The following ANK3 variants were observed in gnomAD, a reference collection of about 807,000 sequenced individuals.
ANK3 encodes ankyrin-3.
ANK3 carries 57 observed loss-of-function variants against 370.9 expected under a neutral mutation model. The observed-to-expected ratio is 0.15, with a 90% CI of 0.12 to 0.19. The LOEUF (loss-of-function observed/expected upper bound fraction) is 0.19. Ranked by LOEUF, ANK3 falls within the 10% of genes least tolerant of loss-of-function variation. The pLI is 1.00. For synonymous variants in ANK3, 1,929 were observed against 1,946.3 expected, an observed-to-expected ratio of 0.99 and a Z score of 0.23; for missense variants, 4,439 against 5,302.1, an observed-to-expected ratio of 0.84 and a Z score of 5.06.
intron 1 of ANK3, among the ~76,000 whole-genome samples, chr10:60,328,585 C>T (rs2050442608): frequency 6.6e-6 from 1 of 152,240 alleles, no homozygotes; most frequent in Admixed American, 6.5e-5. Flanking sequence ...CAAGACTAAA[C>T]CAGGAAGAAG....
intron 23 of ANK3, among the ~76,000 whole-genome samples, chr10:60,163,197 A>T (rs180860976): frequency 8.3e-4 from 127 of 152,288 alleles, no homozygotes; most frequent in African/African-American, 2.7e-3. Flanking sequence ...AAAACATAAG[A>T]ATCAAACTAG....
At chr10:60,521,365 G>T (rs2076343128) in intron 2 of ANK3, among the ~76,000 whole-genome samples, 1 of 152,054 alleles carries the variant, frequency 6.6e-6, no homozygotes, top group Non-Finnish European at 1.5e-5. Context: ...AAGCTAATGT[G>T]TCTATAGCAA....
At chr10:60,649,343 G>A (rs137875273) in intron 1 of ANK3, among the ~76,000 whole-genome samples, 175 of 152,056 alleles carry the variant, frequency 1.2e-3, no homozygotes, top group Middle Eastern at 6.8e-3. Context: ...TGTCTCTACA[G>A]TTCTTTAATA....
At chr10:60,286,642 T>C (rs942953110) in intron 1 of ANK3, among the ~76,000 whole-genome samples, 1 of 152,220 alleles carries the variant, frequency 6.6e-6, no homozygotes, top group Non-Finnish European at 1.5e-5. Context: ...TATTCAGCTT[T>C]ACTAGTTAAT....
rs1348060279 is a variant in ANK3, at chr10:60,198,424, T to C, written c.1605A>G (p.Pro535=). Residue 535 remains proline, a synonymous_variant, in exon 14 of 44, where the codon CCA becomes CCG. Transcript: ENST00000280772. ...PNAATTSGYT[P]LHLSAREGHE... Reference sequence around the variant, plus strand: ...GCCCCTCTCGGGCGGAAAGGTGAAGTGGGGTGTACCCAGAAGTTGTGGCTG... The same window carrying C: ...GCCCCTCTCGGGCGGAAAGGTGAAGCGGGGTGTACCCAGAAGTTGTGGCTG... 6.2e-7 allele frequency: 1 copy of C among 1,614,208 alleles called. No individual in the cohort carries two copies. The highest frequency in any genetic ancestry group is 1.1e-5 in the South Asian group (1 of 91,084).
intron 23 of ANK3, among the ~76,000 whole-genome samples, chr10:60,164,895 T>C (rs893989174): frequency 5.0e-4 from 76 of 152,146 alleles, no homozygotes; most frequent in African/African-American, 1.8e-3. Context: ...CACATTAAAG[T>C]AAGGGCCAAA....
intron 1 of ANK3, among the ~76,000 whole-genome samples, chr10:60,356,402 T>C (rs1052020066): frequency 6.6e-6 from 1 of 152,314 alleles, no homozygotes; most frequent in East Asian, 1.9e-4. Flanking sequence ...GCTCAGAGGT[T>C]TCCACTTGCT....
chr10:60,225,997 C>T (rs10733761), intron 8 of ANK3, among the ~76,000 whole-genome samples: 71,921 of 144,030 alleles, frequency 0.5, 19,349 homozygotes, highest in East Asian at 0.79. Context: ...AATTGTAATT[C>T]CTATAATGTA....
At chr10:60,564,088 T>A (rs1203464732) in intron 2 of ANK3, among the ~76,000 whole-genome samples, 1 of 151,838 alleles carries the variant, frequency 6.6e-6, no homozygotes, top group African/African-American at 2.4e-5. Flanking sequence ...ACTGGAGGAG[T>A]CAAAATTTCA....
chr10:60,176,198 A>C (rs1156513306), intron 18 of ANK3, among the ~76,000 whole-genome samples: 1 of 146,452 alleles, frequency 6.8e-6, no homozygotes, highest in Non-Finnish European at 1.5e-5. Flanking sequence ...AAAAAAAACA[A>C]AAAAAAACAA....
At chr10:60,337,290 C>G (rs1463650953) in intron 1 of ANK3, among the ~76,000 whole-genome samples, 3 of 152,088 alleles carry the variant, frequency 2.0e-5, no homozygotes, top group Non-Finnish European at 2.9e-5. Context: ...CAAGGTAGTT[C>G]CATGTCTTCC....
chr10:60,431,360 CGCT>C (rs1023936943), intron 2 of ANK3, among the ~76,000 whole-genome samples: 2 of 152,008 alleles, frequency 1.3e-5, no homozygotes, highest in African/African-American at 4.8e-5. Context: ...ACTCTAATGC[CGCT>C]GCTGATCTGA....
chr10:60,212,617 C>T (rs1199038535), intron 9 of ANK3, among the ~76,000 whole-genome samples: 1 of 152,104 alleles, frequency 6.6e-6, no homozygotes, highest in Non-Finnish European at 1.5e-5. Flanking sequence ...TGGAATTGTC[C>T]AGACCATCTC....
At chr10:60,731,682 G>A (rs966240687) in intron 1 of ANK3, among the ~76,000 whole-genome samples, 2 of 152,064 alleles carry the variant, frequency 1.3e-5, no homozygotes, top group African/African-American at 4.8e-5. Flanking sequence ...CCTTAAACAC[G>A]CACCGGTTTG....
intron 5 of ANK3, among the ~76,000 whole-genome samples, chr10:60,264,792 G>A (rs1361571307): frequency 6.6e-6 from 1 of 152,004 alleles, no homozygotes; most frequent in Admixed American, 6.6e-5. Flanking sequence ...GCATATTCCT[G>A]GTGCTGTCAG....
intron 1 of ANK3, among the ~76,000 whole-genome samples, chr10:60,382,692 T>C (rs576381166): frequency 2.2e-4 from 33 of 151,960 alleles, no homozygotes; most frequent in African/African-American, 5.8e-4. Context: ...GGCAAAACTA[T>C]AGCAAATTGC....
At chr10:60,499,709 T>C (rs1220782645) in intron 2 of ANK3, among the ~76,000 whole-genome samples, 1 of 152,104 alleles carries the variant, frequency 6.6e-6, no homozygotes, top group Non-Finnish European at 1.5e-5. Flanking sequence ...AGAGGCCAAC[T>C]CAAAAATAAC....
intron 1 of ANK3, among the ~76,000 whole-genome samples, chr10:60,648,580 C>A (rs192280745): frequency 6.7e-6 from 1 of 149,690 alleles, no homozygotes; most frequent in African/African-American, 2.4e-5. Flanking sequence ...ACCAGCCTGG[C>A]CAACATAGTG....
intron 1 of ANK3, among the ~76,000 whole-genome samples, chr10:60,283,799 C>T (rs2098201979): frequency 6.6e-6 from 1 of 152,022 alleles, no homozygotes; most frequent in Admixed American, 6.6e-5. Context: ...GAGTGCCAAC[C>T]TCAGTAATAC....
Sources: allele counts gnomAD v4.1 joint callset (sites outside exome capture counted in the v4.1 genomes callset), GRCh38; gene constraint gnomAD v4.1.1; transcripts MANE v1.5; gene names NCBI Gene and HGNC (gene_info 2026-07-23, HGNC 2026-07-21).